Variants in DYNC2H1 observed in about 807,000 individuals in gnomAD.
DYNC2H1 encodes the protein cytoplasmic dynein 2 heavy chain 1.
A neutral mutation model predicts 570.0 loss-of-function variants in DYNC2H1; 410 were observed. The ratio of observed to expected loss-of-function variants is 0.72; its 90% CI spans 0.66 to 0.78. The LOEUF (loss-of-function observed/expected upper bound fraction) is 0.78, where lower values mean the gene tolerates loss of function less well. DYNC2H1 is among the 30% of genes least tolerant of loss of function. DYNC2H1 has a pLI of 0.00. For missense variants in DYNC2H1, 4,865 were observed against 5,046.4 expected (o/e 0.96, Z 1.09); for synonymous variants, 1,688 against 1,677.6 (o/e 1.01, Z -0.15).
chr11:103,256,029 GAC>G lies in DYNC2H1; in HGVS notation c.10327-75_10327-74del. The G allele has an allele frequency of 1.6e-6, 2 of 1,249,556 alleles. No individual in the cohort carries two copies. Among genetic ancestry groups the G allele is most frequent in the Non-Finnish European group, 2.2e-6 (2 of 920,792 alleles). 77.4% of individuals were successfully genotyped at this position (1,249,556 alleles called of 1,614,324 possible). On this transcript the variant is annotated intron_variant, in intron 67 of 88. Coordinates refer to ENST00000375735, the MANE Select transcript of DYNC2H1 (RefSeq NM_001377.3). The surrounding 1 kb of genome is among the most constrained non-coding windows in gnomAD (Gnocchi z 4.0). ...AAGTTGCCATAAACATCAAATGAAT[GAC>G]AGTTAATATGGGTTTGCTTTAATTG...
chr11:103,172,960 C>T, intron 34 of DYNC2H1, 122 bp from the exon 35 acceptor site: 1 of 429,950 alleles, frequency 2.3e-6, no homozygotes, highest in Admixed American at 5.1e-5. Context: ...TAATATGTCA[C>T]AATAAAATTC....
In DYNC2H1 at chr11:103,244,779, A is replaced by G. The variant is rs1864546729; in HGVS notation, c.9919-472A>G. Among the ~76,000 whole-genome samples, 1 of 148,578 alleles carries G rather than the reference A, an allele frequency of 6.7e-6. No homozygotes were observed. The highest frequency in any genetic ancestry group is 1.5e-5 in the Non-Finnish European group (1 of 67,368). Reference sequence around the variant, plus strand: ...TATCTATAGTTACAGTTATATACATATAAGTACTATATCTATATATAGTCA... The same window carrying G: ...TATCTATAGTTACAGTTATATACATGTAAGTACTATATCTATATATAGTCA... On this transcript the variant is annotated intron_variant, in intron 64 of 88. Transcript: ENST00000375735. The surrounding 1 kb of genome is among the most constrained non-coding windows in gnomAD (Gnocchi z 4.3).
chr11:103,342,963 T>A lies in DYNC2H1; in HGVS notation c.12040-15280T>A, dbSNP rs544490537. On this transcript the variant is annotated intron_variant, in intron 82 of 88. Coordinates refer to ENST00000375735, the MANE Select transcript of DYNC2H1 (RefSeq NM_001377.3). ...CTTTTGCTTGCTATTCTGTCCTATT[T>A]TTCCTTAGAATTTGGGGGCTAAACA... Among the ~76,000 whole-genome samples, 3 of 152,238 alleles carry A rather than the reference T, an allele frequency of 2.0e-5. No homozygotes were observed. The East Asian group carries it at 5.8e-4, about 30-fold the overall frequency.
At position 103,181,001 on chromosome 11, in the gene DYNC2H1, C is replaced by G. The variant is rs576345131; in HGVS notation, c.6348-756C>G. Among the ~76,000 whole-genome samples the G allele has an allele frequency of 6.6e-6, 1 of 151,178 alleles. No individual in the cohort carries two copies. Among genetic ancestry groups the G allele is most frequent in the Non-Finnish European group, 1.5e-5 (1 of 67,540 alleles). On this transcript the variant is annotated intron_variant, in intron 39 of 88. Transcript: ENST00000375735. The surrounding 1 kb of genome is among the most constrained non-coding windows in gnomAD (Gnocchi z 5.0). ...CAAAAATCGTGAGGTCTTGTCAATT[C>G]TAAAATAATATGAATTATTTTTACT...
In DYNC2H1 at chr11:103,129,866, G is replaced by T. The variant is rs1352075679; in HGVS notation, c.1953+861G>T. Among the ~76,000 whole-genome samples, 1 of 152,058 alleles carries T rather than the reference G, an allele frequency of 6.6e-6. No individual in the cohort carries two copies. Among genetic ancestry groups the T allele is most frequent in the Non-Finnish European group, 1.5e-5 (1 of 68,018 alleles). On this transcript the variant is annotated intron_variant, in intron 13 of 88. Transcript: ENST00000375735. The surrounding 1 kb of genome is among the most constrained non-coding windows in gnomAD (Gnocchi z 4.1). ...TTTTATTTTTTTCTATTTGAAAGTG[G>T]ATAACTAGTTGTGTCAGGATCCTCA...
intron 82 of DYNC2H1, among the ~76,000 whole-genome samples, chr11:103,338,312 C>T (rs2135478404): frequency 6.6e-6 from 1 of 151,976 alleles, no homozygotes; most frequent in East Asian, 1.9e-4. Context: ...GTATGATTTG[C>T]TCTAGTTTTG....
At chr11:103,403,324 A>AC (rs1942719161) in intron 84 of DYNC2H1, 2 of 152,134 alleles carry the variant, frequency 1.3e-5, no homozygotes, top group African/African-American at 4.8e-5. Context: ...GGGGTGTGTA[A>AC]TAAATGAAAT....
chr11:103,414,433 A>T (rs927774708), intron 84 of DYNC2H1, among the ~76,000 whole-genome samples: 1 of 152,134 alleles, frequency 6.6e-6, no homozygotes. Flanking sequence ...AGCCTGACCA[A>T]CATGGTGAAA....
In DYNC2H1 at chr11:103,197,920, T is replaced by C; in HGVS notation, c.7709-13T>C. On this transcript the variant is annotated splice_polypyrimidine_tract_variant and intron_variant, in intron 47 of 88. Transcript: ENST00000375735. ...TAATGCATATAAAACAAAAATATCATTTATTTCCACAGATAGTTTCTACGT... is the reference window on the plus strand; with the variant it reads ...TAATGCATATAAAACAAAAATATCACTTATTTCCACAGATAGTTTCTACGT... 1 of 1,561,198 alleles carries C rather than the reference T, an allele frequency of 6.4e-7. No homozygotes were observed. Among genetic ancestry groups the C allele is most frequent in the Non-Finnish European group, 8.7e-7 (1 of 1,152,434 alleles).
At chr11:103,213,353 CT>C (rs2135126755) in intron 54 of DYNC2H1, among the ~76,000 whole-genome samples, 1 of 152,218 alleles carries the variant, frequency 6.6e-6, no homozygotes, top group African/African-American at 2.4e-5. Flanking sequence ...CCCTTGCTTG[CT>C]ATTTTCTCTC....
intron 60 of DYNC2H1, among the ~76,000 whole-genome samples, chr11:103,233,446 C>A (rs558052441): frequency 6.6e-6 from 1 of 151,572 alleles, no homozygotes; most frequent in East Asian, 1.9e-4. Flanking sequence ...AAAAGAAAAT[C>A]ATAAAGATCA....
chr11:103,443,137 A>G (rs1944321224), intron 85 of DYNC2H1, among the ~76,000 whole-genome samples: 1 of 152,036 alleles, frequency 6.6e-6, no homozygotes, highest in South Asian at 2.1e-4. Flanking sequence ...AATCCCAGCT[A>G]TCAAAATTTT....
chr11:103,423,123 A>G (rs1420109357), intron 84 of DYNC2H1, among the ~76,000 whole-genome samples: 1 of 152,098 alleles, frequency 6.6e-6, no homozygotes, highest in Non-Finnish European at 1.5e-5. Flanking sequence ...AGATATTGTC[A>G]TCAAAATACT....
chr11:103,200,150 T>C lies in DYNC2H1; in HGVS notation c.8193T>C (p.Ser2731=). ...TGGAGATGATCAATAGCCTTTTGTC[T>C]TCAGGCAAGTGAACAGTTTCTTTTC... ...TFLEMINSLL[S]SGEVPGLYTL... is the part of the protein sequence containing the mutation. The change falls in exon 50 of 89, where the codon TCT becomes TCC. Residue 2731 remains serine (S), a synonymous_variant. Coordinates refer to ENST00000375735, the MANE Select transcript of DYNC2H1 (RefSeq NM_001377.3). 6.4e-7 allele frequency: 1 copy of C among 1,550,560 alleles called. No homozygotes were observed. Among genetic ancestry groups the C allele is most frequent in the Non-Finnish European group, 8.8e-7 (1 of 1,142,718 alleles).
intron 85 of DYNC2H1, among the ~76,000 whole-genome samples, 165 bp downstream of exon 85, chr11:103,436,197 ATTTT>A (rs140294172): frequency 5.1e-4 from 74 of 145,070 alleles, no homozygotes; most frequent in South Asian, 1.9e-3. Context: ...GCACTGTTCT[ATTTT>A]TTTTTTTTTT....
chr11:103,130,310 T>G (rs1299128648), intron 13 of DYNC2H1, among the ~76,000 whole-genome samples: 3 of 152,174 alleles, frequency 2.0e-5, no homozygotes, highest in Middle Eastern at 3.2e-3. Flanking sequence ...GGAACTCTTC[T>G]GAAATCTAAG....
intron 46 of DYNC2H1, 149 bp downstream of exon 46, chr11:103,191,768 T>G (rs1862324458): frequency 4.8e-6 from 2 of 414,384 alleles, no homozygotes; most frequent in Non-Finnish European, 3.9e-6. Flanking sequence ...ATTATATTTC[T>G]TCTTCCAAAC....
chr11:103,441,900 C>G (rs1220288519), intron 85 of DYNC2H1, among the ~76,000 whole-genome samples: 1 of 152,042 alleles, frequency 6.6e-6, no homozygotes, highest in Non-Finnish European at 1.5e-5. Context: ...GTTCTGCTAC[C>G]ATATTCTGCA....
At chr11:103,425,800 CAAA>C (rs556085056) in intron 84 of DYNC2H1, among the ~76,000 whole-genome samples, 2 of 150,384 alleles carry the variant, frequency 1.3e-5, no homozygotes, top group African/African-American at 2.4e-5. Context: ...TTATACATAA[CAAA>C]AAAAAGAAGG....
Sources: gnomAD v4.1 joint callset for allele counts (sites outside exome capture counted in the v4.1 genomes callset) on GRCh38, gnomAD v4.1.1 for gene constraint, Gnocchi (gnomAD v3.1) non-coding constraint, MANE v1.5 for transcripts, NCBI Gene and HGNC (gene_info 2026-07-23, HGNC 2026-07-21) for gene names.